FILIP1L: variants seen among roughly 807,000 people sequenced by gnomAD.
FILIP1L encodes filamin A interacting protein 1 like, also known as filamin A-interacting protein 1-like.
A neutral mutation model predicts 96.6 loss-of-function variants in FILIP1L; 55 were observed. That is an observed-to-expected ratio of 0.57 (90% confidence interval 0.46 to 0.71). FILIP1L has a LOEUF of 0.71. Ranked by LOEUF, FILIP1L falls within the 30% of genes least tolerant of loss-of-function variation. The pLI is 0.00. For synonymous variants in FILIP1L, 467 were observed against 473.9 expected (o/e 0.99, Z 0.19); for missense variants, 1,304 against 1,321.2 (o/e 0.99, Z 0.20).
At position 100,032,395 on chromosome 3, in the gene FILIP1L, T is replaced by C. The variant is rs142812024; in HGVS notation, c.-11+81658A>G. Among the ~76,000 whole-genome samples, 1,095 of 152,308 alleles carry C rather than the reference T, an allele frequency of 7.2e-3. 4 individuals carry two copies. The highest frequency in any genetic ancestry group is 9.9e-3 in the African/African-American group (413 of 41,570). ...GAAAAGTGGAAATAAGAAGAGGACA[T>C]GTGACTTAGAGCTTGCCATAAGGTA... On this transcript the variant is annotated intron_variant, in intron 1 of 5. Coordinates refer to ENST00000477258, the MANE Select transcript of FILIP1L (RefSeq NM_001387850.1).
At chr3:99,936,980 C>T (rs868053753) in intron 1 of FILIP1L, among the ~76,000 whole-genome samples, 9 of 152,186 alleles carry the variant, frequency 5.9e-5, no homozygotes, top group Middle Eastern at 3.4e-3. Flanking sequence ...TCTTGTTACT[C>T]AGGCTGGAGT....
At chr3:99,966,408 T>C (rs1708652820) in intron 1 of FILIP1L, among the ~76,000 whole-genome samples, 1 of 152,160 alleles carries the variant, frequency 6.6e-6, no homozygotes, top group South Asian at 2.1e-4. Context: ...ATTTTTTTTT[T>C]CGGCTATATA....
chr3:100,081,848 T>C (rs1248339076), intron 1 of FILIP1L, among the ~76,000 whole-genome samples: 1 of 152,188 alleles, frequency 6.6e-6, no homozygotes, highest in Non-Finnish European at 1.5e-5. Context: ...GTAGGATGTT[T>C]AGCAGCATCC....
chr3:100,017,234 T>C (rs537274286), intron 1 of FILIP1L, among the ~76,000 whole-genome samples: 1 of 152,342 alleles, frequency 6.6e-6, no homozygotes, highest in Non-Finnish European at 1.5e-5. Flanking sequence ...TGGAGAAAAG[T>C]CCCATCCAGT....
chr3:100,104,365 G>A (rs1426004629), intron 1 of FILIP1L, among the ~76,000 whole-genome samples: 1 of 152,178 alleles, frequency 6.6e-6, no homozygotes, highest in African/African-American at 2.4e-5. Context: ...AGTTGTCTTT[G>A]TTTATTCAAT....
chr3:100,021,958 T>TGAGAGAGA (rs1466622023), intron 1 of FILIP1L, among the ~76,000 whole-genome samples: 55 of 94,932 alleles, frequency 5.8e-4, no homozygotes, highest in South Asian at 1.2e-3. Flanking sequence ...TGTGTGTGTG[T>TGAGAGAGA]GTGAGAGAGA....
At chr3:99,896,613 T>C (rs1161693427) in intron 4 of FILIP1L, among the ~76,000 whole-genome samples, 3 of 152,176 alleles carry the variant, frequency 2.0e-5, no homozygotes, top group African/African-American at 7.2e-5. Flanking sequence ...ACTATTTTGA[T>C]GGGCTAAGAA....
chr3:99,913,105 C>A (rs1264870573), intron 4 of FILIP1L, among the ~76,000 whole-genome samples: 1 of 152,200 alleles, frequency 6.6e-6, no homozygotes, highest in Non-Finnish European at 1.5e-5. Flanking sequence ...CGGTTTACAA[C>A]CCAGAAGAGG....
intron 1 of FILIP1L, among the ~76,000 whole-genome samples, chr3:100,103,044 G>A (rs763870019): frequency 6.6e-6 from 1 of 152,220 alleles, no homozygotes; most frequent in Non-Finnish European, 1.5e-5. Context: ...GGGAGACTAA[G>A]TGCTGTAAAA....
At chr3:99,979,203 T>G (rs1418606565) in intron 1 of FILIP1L, among the ~76,000 whole-genome samples, 1 of 152,216 alleles carries the variant, frequency 6.6e-6, no homozygotes, top group Non-Finnish European at 1.5e-5. Flanking sequence ...CCCATAAATA[T>G]ATACAATTAC....
At position 99,850,302 on chromosome 3, in the gene FILIP1L, C is replaced by G; in HGVS notation, c.1374G>C (p.Leu458Phe). Residue 458 changes from leucine (L) to phenylalanine (F), a missense_variant, in exon 5 of 6, where the codon TTG (leucine) becomes TTC (phenylalanine). Transcript: ENST00000477258. ...CTTTTAAACTCTCCAGTTCTTGAGA[C>G]AACTGCTTTGTGGTCATCCTTTCTT... Reference protein sequence around the residue: ...LEKERMTTKQLSQELESLKVR... With the variant: ...LEKERMTTKQFSQELESLKVR... The G allele has an allele frequency of 3.7e-6, 6 of 1,613,818 alleles. No individual in the cohort carries two copies. The highest frequency in any genetic ancestry group is 1.3e-5 in the African/African-American group (1 of 75,042).
At chr3:100,094,674 CTTTTTTTTTTT>C (rs71132509) in intron 1 of FILIP1L, among the ~76,000 whole-genome samples, 17 of 57,012 alleles carry the variant, frequency 3.0e-4, no homozygotes, top group African/African-American at 8.0e-4. Context: ...GAAAAGCTGC[CTTTTTTTTTTT>C]TTTTTTTTTT....
At chr3:99,917,891 A>G (rs981605448) in intron 4 of FILIP1L, among the ~76,000 whole-genome samples, 8 of 152,224 alleles carry the variant, frequency 5.3e-5, no homozygotes, top group Non-Finnish European at 7.3e-5. Context: ...GTTCATGACA[A>G]TCACATAATC....
At chr3:99,932,154 T>A (rs1707502331) in intron 1 of FILIP1L, among the ~76,000 whole-genome samples, 1 of 152,216 alleles carries the variant, frequency 6.6e-6, no homozygotes, top group African/African-American at 2.4e-5. Context: ...TATTATAATG[T>A]ATGTATCTCT....
intron 1 of FILIP1L, among the ~76,000 whole-genome samples, chr3:100,087,979 C>A (rs186026469): frequency 1.2e-4 from 18 of 151,998 alleles, no homozygotes. Context: ...TACAGGTGCC[C>A]ACCACCATGC....
intron 1 of FILIP1L, among the ~76,000 whole-genome samples, chr3:99,941,231 A>G (rs140002155): frequency 6.7e-4 from 102 of 152,198 alleles, no homozygotes; most frequent in African/African-American, 2.4e-3. Context: ...ATTCTCTTCA[A>G]TCTACTGATG....
intron 1 of FILIP1L, among the ~76,000 whole-genome samples, chr3:100,044,873 A>C (rs2065255366): frequency 6.6e-6 from 1 of 152,228 alleles, no homozygotes; most frequent in South Asian, 2.1e-4. Context: ...TAGAGCTGAC[A>C]GGACTAGTGG....
At position 99,886,370 on chromosome 3, in the gene FILIP1L, G is replaced by A. The variant is rs183000668; in HGVS notation, c.606-35300C>T. On this transcript the variant is annotated intron_variant, in intron 4 of 5. Coordinates refer to ENST00000477258, the MANE Select transcript of FILIP1L (RefSeq NM_001387850.1). ...GCCACACTGGAAGAAGAAATCTCTT[G>A]TACCATACATAAAATACACTTAACA... 6.0e-4 allele frequency among the ~76,000 whole-genome samples: 91 copies of A among 151,260 alleles called. No homozygotes were observed. In the Middle Eastern group the frequency reaches 0.017, roughly 28 times the overall value.
At chr3:99,921,209 C>T (rs1444042499) in intron 4 of FILIP1L, among the ~76,000 whole-genome samples, 1 of 152,130 alleles carries the variant, frequency 6.6e-6, no homozygotes, top group Non-Finnish European at 1.5e-5. Flanking sequence ...GTGTGTTTTG[C>T]CATGTCACTT....
Sources: gnomAD v4.1 joint callset for allele counts (sites outside exome capture counted in the v4.1 genomes callset) on GRCh38, gnomAD v4.1.1 for gene constraint, MANE v1.5 for transcripts, NCBI Gene and HGNC (gene_info 2026-07-23, HGNC 2026-07-21) for gene names.